Variants in DESI1 observed in about 807,000 individuals in gnomAD.
DESI1 encodes the protein PPPDE peptidase domain containing 2.
Under a neutral mutation model 22.4 loss-of-function variants are expected in DESI1, and 17 were observed. The observed-to-expected ratio is 0.76, with a 90% CI of 0.52 to 1.14. DESI1 has a LOEUF of 1.14. DESI1 is among the 50% of genes most tolerant of loss of function. DESI1 has a pLI of 0.00. For synonymous variants in DESI1, 92 were observed against 84.2 expected (o/e 1.09, Z -0.51); for missense variants, 177 against 208.9 (o/e 0.85, Z 0.94).
intron 4 of DESI1, 101 bp from the exon 5 acceptor site, chr22:41,603,482 G>A (rs758497288): frequency 3.0e-5 from 46 of 1,541,320 alleles, no homozygotes; most frequent in Non-Finnish European, 3.5e-5. Flanking sequence ...AGCTCAATGT[G>A]AGGATTGCGA....
chr22:41,602,933 G>C, intron 5 of DESI1: 1 of 604,352 alleles, frequency 1.7e-6, no homozygotes, highest in Non-Finnish European at 2.3e-6. Flanking sequence ...TTTTAACTGG[G>C]TGCTTCTGGG....
At chr22:41,619,075 C>A (rs551894510) in intron 1 of DESI1, among the ~76,000 whole-genome samples, 1 of 151,118 alleles carries the variant, frequency 6.6e-6, no homozygotes, top group African/African-American at 2.4e-5. Flanking sequence ...AAAAAAAAAA[C>A]CAACAAAAAA....
At chr22:41,608,842 C>T (rs2067498375) in intron 1 of DESI1, among the ~76,000 whole-genome samples, 1 of 152,218 alleles carries the variant, frequency 6.6e-6, no homozygotes. Context: ...CATTGAAAGA[C>T]GTGGAGTGTC....
intron 1 of DESI1, among the ~76,000 whole-genome samples, chr22:41,614,590 C>CTTTTTTTTTTT (rs10523372): frequency 0.04 from 3,418 of 85,492 alleles, 723 homozygotes; most frequent in African/African-American, 0.14. Context: ...GGCCTACATC[C>CTTTTTTTTTTT]TTTTTTTTTT....
At chr22:41,606,524 A>G (rs1416188683) in intron 3 of DESI1, among the ~76,000 whole-genome samples, 1 of 152,130 alleles carries the variant, frequency 6.6e-6, no homozygotes, top group Admixed American at 6.6e-5. Context: ...CTGTAATCCC[A>G]GCACTTTGGG....
In DESI1 at chr22:41,621,017, C is replaced by A; in HGVS notation, c.-178G>T. The A allele has an allele frequency of 1.6e-6, 1 of 638,794 alleles. No homozygotes were observed. Among genetic ancestry groups the A allele is most frequent in the Non-Finnish European group, 2.7e-6 (1 of 373,874 alleles). The allele number at this position is 638,794 out of a possible 1,614,324, so 39.6% of individuals were successfully genotyped here. A position where few individuals can be genotyped will look rare whatever the true frequency, so the allele number is the denominator to read the frequency against. On this transcript the variant is annotated 5_prime_UTR_variant, in exon 1 of 6. Transcript: ENST00000263256. Reference sequence around the variant, plus strand: ...CTCGCGCCCCCACACCCGCTACCGGCAACGACTACTGTGAGGTGACAGAGA... The same window carrying A: ...CTCGCGCCCCCACACCCGCTACCGGAAACGACTACTGTGAGGTGACAGAGA...
intron 1 of DESI1, among the ~76,000 whole-genome samples, chr22:41,616,285 C>A (rs2067550069): frequency 6.6e-6 from 1 of 152,114 alleles, no homozygotes; most frequent in South Asian, 2.1e-4. Context: ...CACGTCATAT[C>A]TTTTATTTCA....
chr22:41,603,274 G>A lies in DESI1; in HGVS notation c.398C>T (p.Ser133Phe). ...KIPSYITDLP[S>F]EVLSTPFGQA... is the part of the protein sequence containing the mutation. ...CCACACTTACGTGGAGAGAACTTCA[G>A]AGGGCAGGTCTGTGATGTAAGAAGG... The change falls in exon 5 of 6, where the codon TCT (serine) becomes TTT (phenylalanine). Residue 133 changes from serine to phenylalanine, a missense_variant. Ser to Phe is a radical substitution (Grantham distance 155). Coordinates refer to ENST00000263256, the MANE Select transcript of DESI1 (RefSeq NM_015704.3). 6.2e-7 allele frequency: 1 copy of A among 1,614,244 alleles called. No individual in the cohort carries two copies. Among genetic ancestry groups the A allele is most frequent in the Non-Finnish European group, 8.5e-7 (1 of 1,180,048 alleles).
chr22:41,617,832 G>A (rs140758342), intron 1 of DESI1, among the ~76,000 whole-genome samples: 2 of 152,182 alleles, frequency 1.3e-5, no homozygotes, highest in Non-Finnish European at 2.9e-5. Flanking sequence ...AGTGGGAAGG[G>A]GGCAGGTCTA....
rs933349067 is a variant in DESI1 at position 41,598,302 on chromosome 22, A to G, written c.*2795T>C. 1 of 152,384 alleles carries G rather than the reference A, an allele frequency of 6.6e-6. No individual in the cohort carries two copies. The highest frequency in any genetic ancestry group is 1.5e-5 in the Non-Finnish European group (1 of 68,198). 9.4% of individuals were successfully genotyped at this position (152,384 alleles called of 1,614,324 possible). On this transcript the variant is annotated 3_prime_UTR_variant, in exon 6 of 6. Coordinates refer to ENST00000263256, the MANE Select transcript of DESI1 (RefSeq NM_015704.3). ...CATCCAGGCGGAGTTAGCCGGCCAC[A>G]ATGAGAATGCTCCTGAGGTGCTGGG...
Position 41,599,199 on chromosome 22 carries a change from T to C in DESI1, c.*1898A>G, listed in dbSNP as rs912272973. 1.4e-5 allele frequency: 2 copies of C among 146,114 alleles called. No homozygotes were observed. Among genetic ancestry groups the C allele is most frequent in the African/African-American group, 4.9e-5 (2 of 40,762 alleles). The allele number at this position is 146,114 out of a possible 1,614,324, so 9.1% of individuals were successfully genotyped here. ...AGACTTCCAGGAAGAAGCAACATAATTCAAGTCCGTGAAGTGGCAAGAAGT... is the reference window on the plus strand; with the variant it reads ...AGACTTCCAGGAAGAAGCAACATAACTCAAGTCCGTGAAGTGGCAAGAAGT... On this transcript the variant is annotated 3_prime_UTR_variant, in exon 6 of 6. Transcript: ENST00000263256.
At position 41,620,958 on chromosome 22, in the gene DESI1, G is replaced by T. The variant is rs889554766; in HGVS notation, c.-119C>A. 1 of 1,150,356 alleles carries T rather than the reference G, an allele frequency of 8.7e-7. No homozygotes were observed. Among genetic ancestry groups the T allele is most frequent in the African/African-American group, 1.6e-5 (1 of 63,808 alleles). 71.3% of individuals were successfully genotyped at this position (1,150,356 alleles called of 1,614,324 possible). On this transcript the variant is annotated 5_prime_UTR_variant, in exon 1 of 6. Coordinates refer to ENST00000263256, the MANE Select transcript of DESI1 (RefSeq NM_015704.3). ...GAGGGGGGGACCGAGCCCGGGCCCGGGCTGAGGGGTGGGGGAGAGGCCGCC... is the reference window on the plus strand; with the variant it reads ...GAGGGGGGGACCGAGCCCGGGCCCGTGCTGAGGGGTGGGGGAGAGGCCGCC...
rs1309465301 is a variant in DESI1 at position 41,598,183 on chromosome 22, C to T, written c.*2914G>A. On this transcript the variant is annotated 3_prime_UTR_variant, in exon 6 of 6. Transcript: ENST00000263256. ...GGAGGGGGTGATGGTCTCATCCCTC[C>T]TCCTTCCCTATCCCTTTAAACCAAT... 1 of 152,198 alleles carries T rather than the reference C, an allele frequency of 6.6e-6. No individual in the cohort carries two copies. Among genetic ancestry groups the T allele is most frequent in the African/African-American group, 2.4e-5 (1 of 41,436 alleles). The allele number at this position is 152,198 out of a possible 1,614,324, so 9.4% of individuals were successfully genotyped here.
intron 1 of DESI1, 143 bp downstream of exon 1, chr22:41,620,609 C>G: frequency 1.3e-6 from 1 of 787,050 alleles, no homozygotes; most frequent in Non-Finnish European, 2.0e-6. Context: ...CTTCAGACCA[C>G]TCTCTTCTCC....
At chr22:41,612,894 G>A (rs1482325070) in intron 1 of DESI1, among the ~76,000 whole-genome samples, 1 of 152,074 alleles carries the variant, frequency 6.6e-6, no homozygotes, top group African/African-American at 2.4e-5. Flanking sequence ...AGGAGGCAAG[G>A]GAAAGAGGGA....
intron 5 of DESI1, chr22:41,602,946 G>T (rs1026504078): frequency 1.9e-5 from 11 of 576,346 alleles, no homozygotes; most frequent in Non-Finnish European, 2.8e-5. Context: ...CTTCTGGGGA[G>T]TGGCATGCTT....
chr22:41,604,250 CTTTTTTTT>C (rs1264626626), intron 3 of DESI1, 97 bp from the exon 4 acceptor site: 25 of 283,872 alleles, frequency 8.8e-5, no homozygotes, highest in African/African-American at 4.2e-4. Flanking sequence ...TCTGTTCTGA[CTTTTTTTT>C]TTTTTTTTTT....
intron 3 of DESI1, 97 bp from the exon 4 acceptor site, chr22:41,604,250 C>CTTTTTTT: frequency 3.5e-6 from 1 of 283,484 alleles, no homozygotes; most frequent in Non-Finnish European, 6.1e-6. Context: ...TCTGTTCTGA[C>CTTTTTTT]TTTTTTTTTT....
At chr22:41,602,504 G>A (rs1483131879) in intron 5 of DESI1, 1 of 985,332 alleles carries the variant, frequency 1.0e-6, no homozygotes, top group East Asian at 1.1e-4. Flanking sequence ...AGCCCACCTT[G>A]CTGGGCCTGC....
Sources: allele counts gnomAD v4.1 joint callset (sites outside exome capture counted in the v4.1 genomes callset), GRCh38; gene constraint gnomAD v4.1.1; transcripts MANE v1.5; gene names NCBI Gene and HGNC (gene_info 2026-07-23, HGNC 2026-07-21).